DOCK10: variants seen among roughly 807,000 people sequenced by gnomAD.
DOCK10 encodes dedicator of cytokinesis 10, also known as dedicator of cytokinesis protein 10.
A neutral mutation model predicts 280.1 loss-of-function variants in DOCK10; 145 were observed. That is an observed-to-expected ratio of 0.52 (90% CI 0.45 to 0.59). DOCK10 has a LOEUF of 0.59. DOCK10 is among the 20% of genes least tolerant of loss of function. The pLI is 0.00. For synonymous variants in DOCK10, 915 were observed against 942.2 expected (o/e 0.97, Z 0.53); for missense variants, 2,368 against 2,651.7 (o/e 0.89, Z 2.35).
chr2:224,985,125 G>A (rs1705936333), intron 1 of DOCK10, among the ~76,000 whole-genome samples: 1 of 152,164 alleles, frequency 6.6e-6, no homozygotes. Context: ...AACATCAAAT[G>A]TGCACGGCCT....
At chr2:224,858,521 G>A (rs1252219158) in intron 14 of DOCK10, among the ~76,000 whole-genome samples, 1 of 152,190 alleles carries the variant, frequency 6.6e-6, no homozygotes, top group Non-Finnish European at 1.5e-5. Flanking sequence ...GCCGGGCATG[G>A]TGGCATGCAC....
At chr2:224,766,883 A>T (rs1375494047) in intron 55 of DOCK10, among the ~76,000 whole-genome samples, 2 of 152,182 alleles carry the variant, frequency 1.3e-5, no homozygotes, top group Non-Finnish European at 2.9e-5. Flanking sequence ...TGACAACTCA[A>T]ACTACTTTAC....
chr2:225,016,293 T>C (rs1010964884), intron 1 of DOCK10, among the ~76,000 whole-genome samples: 3 of 152,084 alleles, frequency 2.0e-5, no homozygotes, highest in Admixed American at 6.5e-5. Flanking sequence ...TTTTATATCA[T>C]ATAGAAAATT....
At chr2:224,802,379 G>T (rs1693073644) in intron 39 of DOCK10, among the ~76,000 whole-genome samples, 1 of 152,138 alleles carries the variant, frequency 6.6e-6, no homozygotes. Context: ...AGGCACAGTG[G>T]TGGACATTAA....
At chr2:224,806,278 A>G (rs761442907) in intron 33 of DOCK10, 41 bp from the exon 34 acceptor site, 27 of 1,211,164 alleles carry the variant, frequency 2.2e-5, no homozygotes, top group Admixed American at 6.3e-5. Flanking sequence ...GAATCATGGC[A>G]TTTCAACATT....
At position 224,787,274 on chromosome 2, in the gene DOCK10, C is replaced by G; in HGVS notation, c.5541+1G>C. The G allele has an allele frequency of 6.2e-7, 1 of 1,613,960 alleles. No homozygotes were observed. The highest frequency in any genetic ancestry group is 8.5e-7 in the Non-Finnish European group (1 of 1,179,872). ...AACTTCTAGGGGGTTGGAATACATA[C>G]TTTGAAGTCTCGTTGTTTCTCAAAG... is the stretch of plus-strand genomic sequence containing the variant. On this transcript the variant is annotated splice_donor_variant, in intron 49 of 55. Coordinates refer to ENST00000258390, the MANE Select transcript of DOCK10 (RefSeq NM_014689.3). LOFTEE classifies it high-confidence loss of function.
chr2:224,979,506 T>C (rs1705633517), intron 1 of DOCK10, among the ~76,000 whole-genome samples: 1 of 152,214 alleles, frequency 6.6e-6, no homozygotes, highest in Non-Finnish European at 1.5e-5. Flanking sequence ...TCTGACCCCA[T>C]TGCCTCCCTG....
At chr2:224,989,847 G>A (rs1249248416) in intron 1 of DOCK10, among the ~76,000 whole-genome samples, 1 of 152,246 alleles carries the variant, frequency 6.6e-6, no homozygotes, top group Non-Finnish European at 1.5e-5. Context: ...TGGGACTTAA[G>A]TTTATTGTGA....
At chr2:224,949,978 T>C (rs1053511512) in intron 1 of DOCK10, among the ~76,000 whole-genome samples, 2 of 152,074 alleles carry the variant, frequency 1.3e-5, no homozygotes, top group East Asian at 1.9e-4. Context: ...AGAGGAGAGA[T>C]AGAATCAATT....
At chr2:224,837,964 C>A in intron 24 of DOCK10, 133 bp from the exon 25 acceptor site, 1 of 707,412 alleles carries the variant, frequency 1.4e-6, no homozygotes. Context: ...TCTCTGACTC[C>A]TTCCTTGCCC....
chr2:224,939,077 A>G (rs1235479715), intron 1 of DOCK10, among the ~76,000 whole-genome samples: 4 of 152,230 alleles, frequency 2.6e-5, no homozygotes, highest in African/African-American at 9.6e-5. Flanking sequence ...TCCCTTGGTA[A>G]CAAAGACGGA....
chr2:224,898,798 A>G (rs1700134847), intron 3 of DOCK10, among the ~76,000 whole-genome samples: 1 of 152,158 alleles, frequency 6.6e-6, no homozygotes, highest in South Asian at 2.1e-4. Flanking sequence ...GATGGTCTCG[A>G]TCTCCTGACC....
intron 1 of DOCK10, among the ~76,000 whole-genome samples, chr2:225,041,338 C>T (rs545867758): frequency 6.6e-6 from 1 of 152,232 alleles, no homozygotes; most frequent in Non-Finnish European, 1.5e-5. Flanking sequence ...TGCTGAGCCC[C>T]GGTCTTGCTG....
chr2:224,919,518 T>G (rs1435258859), intron 2 of DOCK10, among the ~76,000 whole-genome samples: 1 of 151,064 alleles, frequency 6.6e-6, no homozygotes, highest in African/African-American at 2.4e-5. Flanking sequence ...ACGTGTGGTG[T>G]GAATGTGTGT....
chr2:224,904,303 G>T (rs902184976), intron 3 of DOCK10, among the ~76,000 whole-genome samples: 3 of 151,632 alleles, frequency 2.0e-5, no homozygotes, highest in Non-Finnish European at 2.9e-5. Context: ...TGAATGAAGA[G>T]CCTTATTTTT....
In DOCK10 at chr2:224,870,219, A is replaced by C. The variant is rs748827522; in HGVS notation, c.1257+3777T>G. 3.6e-4 allele frequency among the ~76,000 whole-genome samples: 54 copies of C among 152,108 alleles called. 1 individual carries two copies. Among genetic ancestry groups the C allele is most frequent in the Non-Finnish European group, 1.3e-4 (9 of 67,992 alleles). ...TTGCTGCCGCCATGTGAAGAAGGAC[A>C]TGTTTGATTCCCCTTCCATGATGAT... On this transcript the variant is annotated intron_variant, in intron 11 of 55. Coordinates refer to ENST00000258390, the MANE Select transcript of DOCK10 (RefSeq NM_014689.3).
At chr2:224,827,142 A>G (rs1671766482) in intron 27 of DOCK10, among the ~76,000 whole-genome samples, 1 of 151,810 alleles carries the variant, frequency 6.6e-6, no homozygotes, top group South Asian at 2.1e-4. Context: ...ATGCACCTGT[A>G]ATCCAAGCTG....
chr2:225,027,768 T>C (rs1041264123), intron 1 of DOCK10, among the ~76,000 whole-genome samples: 3 of 152,166 alleles, frequency 2.0e-5, no homozygotes, highest in African/African-American at 7.2e-5. Context: ...TAAACCTCTT[T>C]TCTTTACAAA....
chr2:224,886,991 G>A (rs1574997687), intron 4 of DOCK10, among the ~76,000 whole-genome samples: 1 of 151,632 alleles, frequency 6.6e-6, no homozygotes, highest in Non-Finnish European at 1.5e-5. Context: ...TTGAACTCCT[G>A]GCCTCAAACT....
Sources: allele counts gnomAD v4.1 joint callset (sites outside exome capture counted in the v4.1 genomes callset), GRCh38; gene constraint gnomAD v4.1.1; transcripts MANE v1.5; gene names NCBI Gene and HGNC (gene_info 2026-07-23, HGNC 2026-07-21).